Variants in EYA2 observed in about 807,000 individuals in gnomAD.
EYA2 encodes the protein protein phosphatase EYA2.
A neutral mutation model predicts 69.2 loss-of-function variants in EYA2; 31 were observed. The ratio of observed to expected loss-of-function variants is 0.45; its 90% confidence interval spans 0.34 to 0.60. EYA2 has a LOEUF of 0.60. Ranked by LOEUF, EYA2 falls within the 20% of genes least tolerant of loss-of-function variation. The pLI, the probability that EYA2 is intolerant of heterozygous loss-of-function variation, is 0.02. For synonymous variants in EYA2, 257 were observed against 279.4 expected (o/e 0.92, Z 0.80); for missense variants, 622 against 701.2 (o/e 0.89, Z 1.28).
chr20:46,938,621 C>G (rs890401174), intron 1 of EYA2, among the ~76,000 whole-genome samples: 2 of 152,138 alleles, frequency 1.3e-5, no homozygotes, highest in African/African-American at 4.8e-5. Context: ...GACACATTGG[C>G]TGACTTCCCT....
intron 4 of EYA2, among the ~76,000 whole-genome samples, chr20:47,014,754 A>T (rs937127745): frequency 6.6e-6 from 1 of 151,650 alleles, no homozygotes; most frequent in Non-Finnish European, 1.5e-5. Flanking sequence ...CTGCATGTAT[A>T]TATGTGTGTA....
intron 9 of EYA2, among the ~76,000 whole-genome samples, chr20:47,131,559 T>C (rs2033342708): frequency 6.6e-6 from 1 of 152,174 alleles, no homozygotes; most frequent in Non-Finnish European, 1.5e-5. Flanking sequence ...GCAGCTGTGA[T>C]TATGTGTCCC....
At chr20:47,089,446 G>A (rs904847089) in intron 8 of EYA2, 65 bp downstream of exon 8, 5 of 1,533,008 alleles carry the variant, frequency 3.3e-6, no homozygotes, top group Non-Finnish European at 4.4e-6. Flanking sequence ...AAACAAGAGT[G>A]GGGACAGAGT....
intron 8 of EYA2, 87 bp from the exon 9 acceptor site, chr20:47,096,998 T>C (rs1412561942): frequency 1.0e-6 from 1 of 960,386 alleles, no homozygotes; most frequent in Non-Finnish European, 1.6e-6. Flanking sequence ...AGACTTCTTT[T>C]CCTCCAAGGG....
At chr20:47,173,561 C>CA (rs1452098253) in intron 12 of EYA2, among the ~76,000 whole-genome samples, 1 of 141,186 alleles carries the variant, frequency 7.1e-6, no homozygotes, top group African/African-American at 2.7e-5. Flanking sequence ...TCATCCTGGG[C>CA]AACTGACTCA....
chr20:46,964,766 C>T (rs558831760), intron 1 of EYA2, among the ~76,000 whole-genome samples: 58 of 152,260 alleles, frequency 3.8e-4, no homozygotes, highest in Admixed American at 1.3e-3. Flanking sequence ...AAGGTCACAG[C>T]GATCATCAAG....
At chr20:47,008,178 T>G (rs889548397) in intron 4 of EYA2, among the ~76,000 whole-genome samples, 4 of 152,208 alleles carry the variant, frequency 2.6e-5, no homozygotes, top group Non-Finnish European at 4.4e-5. Context: ...TTCCTGTCAC[T>G]CACATTGGTT....
At chr20:47,106,556 C>T (rs1036320898) in intron 9 of EYA2, among the ~76,000 whole-genome samples, 1 of 152,074 alleles carries the variant, frequency 6.6e-6, no homozygotes, top group Non-Finnish European at 1.5e-5. Context: ...CCCACGAGTC[C>T]TCTGTCCACT....
rs1384930415 is a variant in EYA2 at position 46,987,929 on chromosome 20, T to A, written c.-10-2072T>A. 2.1e-3 allele frequency among the ~76,000 whole-genome samples: 62 copies of A among 30,174 alleles called. 2 individuals carry two copies. Among genetic ancestry groups the A allele is most frequent in the Middle Eastern group, 9.4e-3 (1 of 106 alleles). The allele number at this position is 30,174 out of a possible 152,430, so 19.8% of individuals were successfully genotyped here. A position where few individuals can be genotyped will look rare whatever the true frequency, so the allele number is the denominator to read the frequency against. ...AAGACAGAGTAAGTCTCTCTCTCTC[T>A]CTCTCTCTCTCTCTCTCTCTCTCTC... On this transcript the variant is annotated intron_variant, in intron 1 of 15. Coordinates refer to ENST00000327619, the MANE Select transcript of EYA2 (RefSeq NM_005244.5).
intron 1 of EYA2, among the ~76,000 whole-genome samples, chr20:46,959,008 G>A (rs1036552379): frequency 3.9e-5 from 6 of 152,202 alleles, no homozygotes; most frequent in Non-Finnish European, 5.9e-5. Flanking sequence ...GAACATACAC[G>A]TGTATGTGCC....
intron 9 of EYA2, among the ~76,000 whole-genome samples, chr20:47,103,505 C>T (rs1178424914): frequency 6.6e-6 from 1 of 152,228 alleles, no homozygotes; most frequent in Non-Finnish European, 1.5e-5. Flanking sequence ...TAGGTTAAAT[C>T]ATCTCACAGT....
intron 1 of EYA2, among the ~76,000 whole-genome samples, chr20:46,940,766 G>A (rs1986121846): frequency 6.6e-6 from 1 of 152,192 alleles, no homozygotes; most frequent in Non-Finnish European, 1.5e-5. Flanking sequence ...GGCATCGGGG[G>A]CTATGGCCAG....
chr20:47,128,766 G>T (rs527584974), intron 9 of EYA2, among the ~76,000 whole-genome samples: 82 of 152,288 alleles, frequency 5.4e-4, no homozygotes, highest in African/African-American at 1.8e-3. Context: ...ACAGGGAAAA[G>T]ATATTTTGAG....
At chr20:47,047,607 G>C (rs897690814) in intron 5 of EYA2, among the ~76,000 whole-genome samples, 23 of 152,054 alleles carry the variant, frequency 1.5e-4, no homozygotes, top group African/African-American at 5.3e-4. Flanking sequence ...GGCTGGTCTT[G>C]AACACCTGAC....
chr20:47,114,142 C>A (rs1393677045), intron 9 of EYA2, among the ~76,000 whole-genome samples: 2 of 152,348 alleles, frequency 1.3e-5, no homozygotes, highest in East Asian at 3.9e-4. Flanking sequence ...TACAGAAACA[C>A]ACCATCCTCT....
chr20:46,978,387 CAG>C (rs1980595632), intron 1 of EYA2: 4 of 349,766 alleles, frequency 1.1e-5, no homozygotes, highest in South Asian at 8.9e-5. Context: ...ATCGCTTACT[CAG>C]GGAGAGCCTG....
intron 5 of EYA2, chr20:47,071,975 G>T: frequency 3.4e-6 from 2 of 592,572 alleles, no homozygotes; most frequent in Non-Finnish European, 6.1e-6. Flanking sequence ...GATGCTGGTG[G>T]TAGGCGTCAC....
Position 46,916,479 on chromosome 20 carries a change from T to C in EYA2, c.-11+21492T>C, listed in dbSNP as rs560252515. On this transcript the variant is annotated intron_variant, in intron 1 of 15. Transcript: ENST00000327619. Reference sequence around the variant, plus strand: ...GTTTGTGTGTGTGTGTATCTGAGTATGAAGGTATTATGTGTGTGTGCATGT... The same window carrying C: ...GTTTGTGTGTGTGTGTATCTGAGTACGAAGGTATTATGTGTGTGTGCATGT... Among the ~76,000 whole-genome samples the C allele has an allele frequency of 3.3e-5, 5 of 152,164 alleles. No individual in the cohort carries two copies. The East Asian group carries it at 7.7e-4, about 24-fold the overall frequency.
At chr20:47,081,921 C>A (rs2031736479) in intron 7 of EYA2, among the ~76,000 whole-genome samples, 1 of 151,786 alleles carries the variant, frequency 6.6e-6, no homozygotes. Context: ...CTCACTGCAA[C>A]CTCTGCCTCC....
Sources: gnomAD v4.1 joint callset for allele counts (sites outside exome capture counted in the v4.1 genomes callset) on GRCh38, gnomAD v4.1.1 for gene constraint, MANE v1.5 for transcripts, NCBI Gene and HGNC (gene_info 2026-07-23, HGNC 2026-07-21) for gene names.